CAMKMT: variants seen among roughly 807,000 people sequenced by gnomAD.
The protein encoded by CAMKMT is CaM KMT.
A neutral mutation model predicts 48.0 loss-of-function variants in CAMKMT; 53 were observed. The ratio of observed to expected loss-of-function variants is 1.10; its 90% CI spans 0.89 to 1.39. CAMKMT has a LOEUF of 1.39. Ranked by LOEUF, CAMKMT falls within the 40% of genes most tolerant of loss-of-function variation. CAMKMT has a pLI of 0.00. For synonymous variants in CAMKMT, 165 were observed against 152.3 expected (o/e 1.08, Z -0.61); for missense variants, 428 against 402.7 (o/e 1.06, Z -0.54).
At chr2:44,611,536 G>T (rs1671599425) in intron 3 of CAMKMT, among the ~76,000 whole-genome samples, 2 of 152,008 alleles carry the variant, frequency 1.3e-5, no homozygotes, top group Admixed American at 1.3e-4. Context: ...TACAAAGTAA[G>T]TCACATTATT....
intron 3 of CAMKMT, among the ~76,000 whole-genome samples, chr2:44,624,993 T>C (rs1288974727): frequency 6.6e-6 from 1 of 151,286 alleles, no homozygotes; most frequent in Non-Finnish European, 1.5e-5. Context: ...ACCTGTTGTT[T>C]CCTGACTTTC....
intron 3 of CAMKMT, among the ~76,000 whole-genome samples, chr2:44,595,384 C>T (rs912548441): frequency 3.9e-5 from 6 of 152,226 alleles, no homozygotes; most frequent in Admixed American, 2.0e-4. Context: ...GGATTACAGG[C>T]GTGAGCCACC....
intron 3 of CAMKMT, among the ~76,000 whole-genome samples, chr2:44,701,158 G>C (rs544068129): frequency 2.8e-4 from 43 of 152,258 alleles, no homozygotes; most frequent in Non-Finnish European, 5.4e-4. Context: ...CAGTGGAATT[G>C]CTGGGTCATA....
chr2:44,398,626 A>G (rs1682079209), intron 3 of CAMKMT, among the ~76,000 whole-genome samples: 1 of 150,562 alleles, frequency 6.6e-6, no homozygotes. Context: ...AGTAATAACA[A>G]GTTATGTTTT....
chr2:44,558,721 A>G (rs921060914), intron 3 of CAMKMT, among the ~76,000 whole-genome samples: 3 of 152,176 alleles, frequency 2.0e-5, no homozygotes, highest in Non-Finnish European at 4.4e-5. Context: ...TATAACTGGG[A>G]GCTAAACGTT....
intron 3 of CAMKMT, among the ~76,000 whole-genome samples, chr2:44,551,600 C>T (rs1490442966): frequency 6.6e-6 from 1 of 152,168 alleles, no homozygotes; most frequent in Non-Finnish European, 1.5e-5. Flanking sequence ...GCATTGAGGC[C>T]ATGCTTTCTT....
chr2:44,559,007 A>AGTT (rs1553414818), intron 3 of CAMKMT, among the ~76,000 whole-genome samples: 450 of 152,246 alleles, frequency 3.0e-3, no homozygotes, highest in African/African-American at 0.01. Flanking sequence ...ATAGATAGAT[A>AGTT]AACAGACAGA....
At chr2:44,689,497 G>A (rs1401281358) in intron 3 of CAMKMT, among the ~76,000 whole-genome samples, 1 of 151,930 alleles carries the variant, frequency 6.6e-6, no homozygotes, top group Admixed American at 6.6e-5. Flanking sequence ...CCACCCTGAG[G>A]ACACTCAAGC....
intron 3 of CAMKMT, among the ~76,000 whole-genome samples, chr2:44,544,844 A>G (rs1449146476): frequency 1.3e-5 from 2 of 152,218 alleles, no homozygotes; most frequent in East Asian, 3.8e-4. Context: ...AGAATAGAAA[A>G]AATAAACTGT....
intron 9 of CAMKMT, among the ~76,000 whole-genome samples, chr2:44,761,593 G>C (rs1272210857): frequency 1.3e-5 from 2 of 152,122 alleles, no homozygotes; most frequent in East Asian, 3.8e-4. Context: ...TATCCCTCCA[G>C]GCCACCCCTG....
chr2:44,519,862 C>T (rs1369848330), intron 3 of CAMKMT, among the ~76,000 whole-genome samples: 1 of 152,118 alleles, frequency 6.6e-6, no homozygotes, highest in African/African-American at 2.4e-5. Context: ...CTGCCTCAGC[C>T]TCCTGAGTAG....
intron 3 of CAMKMT, among the ~76,000 whole-genome samples, chr2:44,694,278 T>G (rs1397898739): frequency 6.6e-6 from 1 of 152,168 alleles, no homozygotes; most frequent in East Asian, 1.9e-4. Flanking sequence ...AACTTGACAT[T>G]TAAAATAATT....
Position 44,666,907 on chromosome 2 carries a change from T to C in CAMKMT, c.377-37376T>C, listed in dbSNP as rs114472568. ...ACAGGTGTGAGCTACCACGCCCAGC[T>C]ATGTTCTTAATTTGTTAAGAATCCA... On this transcript the variant is annotated intron_variant, in intron 3 of 10. Transcript: ENST00000378494. Among the ~76,000 whole-genome samples the C allele has an allele frequency of 2.6e-3, 395 of 152,308 alleles. 2 individuals are homozygous for C. Among genetic ancestry groups the C allele is most frequent in the African/African-American group, 9.2e-3 (383 of 41,570 alleles).
intron 3 of CAMKMT, among the ~76,000 whole-genome samples, chr2:44,698,380 T>C (rs1447458157): frequency 6.6e-6 from 1 of 152,186 alleles, no homozygotes; most frequent in Non-Finnish European, 1.5e-5. Flanking sequence ...TTTCTTTCAC[T>C]CAGTACAGGC....
At position 44,589,896 on chromosome 2, in the gene CAMKMT, GA is replaced by G. The variant is rs888613058; in HGVS notation, c.377-114375del. Among the ~76,000 whole-genome samples the G allele has an allele frequency of 8.6e-4, 52 of 60,376 alleles. 3 individuals carry two copies. Among genetic ancestry groups the G allele is most frequent in the South Asian group, 1.9e-3 (3 of 1,616 alleles). The allele number at this position is 60,376 out of a possible 152,430, so 39.6% of individuals were successfully genotyped here. On this transcript the variant is annotated intron_variant, in intron 3 of 10. Transcript: ENST00000378494. ...AAGAATGATCAATAAAAAAAAAAAA[GA>G]AAAAAAAAAAAGAACGAAAAAAAAA...
chr2:44,623,019 C>T (rs1264359381), intron 3 of CAMKMT, among the ~76,000 whole-genome samples: 2 of 152,094 alleles, frequency 1.3e-5, no homozygotes, highest in Non-Finnish European at 2.9e-5. Flanking sequence ...GACTTTTTAA[C>T]AAAAGCTGTT....
chr2:44,674,021 A>C (rs1675520240), intron 3 of CAMKMT, among the ~76,000 whole-genome samples: 1 of 152,178 alleles, frequency 6.6e-6, no homozygotes, highest in Non-Finnish European at 1.5e-5. Flanking sequence ...TCATGCACCA[A>C]AACCTTCAAA....
chr2:44,686,531 A>G (rs1306326975), intron 3 of CAMKMT, among the ~76,000 whole-genome samples: 1 of 152,270 alleles, frequency 6.6e-6, no homozygotes. Flanking sequence ...AGCGAATGCT[A>G]GGAACTCTCT....
At chr2:44,635,729 C>T (rs1673092906) in intron 3 of CAMKMT, among the ~76,000 whole-genome samples, 1 of 152,106 alleles carries the variant, frequency 6.6e-6, no homozygotes, top group African/African-American at 2.4e-5. Context: ...CTTCCAGTTC[C>T]AGGGTTTTGT....
Sources: allele counts gnomAD v4.1 joint callset (sites outside exome capture counted in the v4.1 genomes callset), GRCh38; gene constraint gnomAD v4.1.1; transcripts MANE v1.5; gene names NCBI Gene and HGNC (gene_info 2026-07-23, HGNC 2026-07-21).